Variants in NPR3 observed in about 807,000 individuals in gnomAD.
NPR3 encodes atrial natriuretic peptide receptor 3.
NPR3 carries 34 observed loss-of-function variants against 54.5 expected under a neutral mutation model. The ratio of observed to expected loss-of-function variants is 0.62; its 90% CI spans 0.47 to 0.83. The LOEUF (loss-of-function observed/expected upper bound fraction) is 0.83, where lower values mean the gene tolerates loss of function less well. Ranked by LOEUF, NPR3 falls within the 40% of genes least tolerant of loss-of-function variation. NPR3 has a pLI of 0.00. For missense variants in NPR3, 674 were observed against 720.8 expected, an observed-to-expected ratio of 0.94 and a Z score of 0.74; for synonymous variants, 289 against 297.1, an observed-to-expected ratio of 0.97 and a Z score of 0.28.
rs369477395 is a variant in NPR3 at position 32,783,017 on chromosome 5, C to T, written c.1415C>T (p.Pro472Leu). 1.2e-5 allele frequency: 20 copies of T among 1,600,538 alleles called. No homozygotes were observed. The highest frequency in any genetic ancestry group is 1.6e-5 in the Non-Finnish European group (19 of 1,172,720). The change falls in exon 6 of 8, where the codon CCC becomes CTC. Residue 472 changes from proline (P) to leucine (L), a missense_variant. By Grantham distance (98) the Pro-to-Leu change is moderately conservative. Transcript: ENST00000265074. ...ATTGTAGAGCATACAAACAGCTCTCCCTGCAAATCATGTAAGTCTGGAGAC... is the reference window on the plus strand; with the variant it reads ...ATTGTAGAGCATACAAACAGCTCTCTCTGCAAATCATGTAAGTCTGGAGAC... Reference protein sequence around the residue: ...NRIVEHTNSSPCKSSGGLEES... With the variant: ...NRIVEHTNSSLCKSSGGLEES...
intron 2 of NPR3, 80 bp from the exon 3 acceptor site, chr5:32,738,784 G>A (rs1218123112): frequency 1.6e-6 from 2 of 1,243,722 alleles, no homozygotes; most frequent in African/African-American, 1.5e-5. Context: ...ACATGCGGGG[G>A]CGCCTCACAG....
At chr5:32,738,594 A>G (rs185456647) in intron 2 of NPR3, among the ~76,000 whole-genome samples, 2 of 152,326 alleles carry the variant, frequency 1.3e-5, no homozygotes, top group Admixed American at 1.3e-4. Context: ...GGCAGGGCTG[A>G]AAATTGCAGT....
chr5:32,714,918 C>A (rs1311922072), intron 1 of NPR3, among the ~76,000 whole-genome samples: 6 of 152,130 alleles, frequency 3.9e-5, no homozygotes. Flanking sequence ...ACCTCGAGCT[C>A]CTTAGGTAAA....
chr5:32,764,788 CAAAAAAAAAAAAAA>C (rs568944478), intron 3 of NPR3, among the ~76,000 whole-genome samples: 2 of 36,492 alleles, frequency 5.5e-5, no homozygotes, highest in African/African-American at 9.7e-5. Context: ...GGGTCCATCT[CAAAAAAAAAAAAAA>C]AAAAAAAAAA....
intron 5 of NPR3, among the ~76,000 whole-genome samples, chr5:32,781,126 G>A (rs1204582403): frequency 6.6e-6 from 1 of 152,072 alleles, no homozygotes; most frequent in Admixed American, 6.5e-5. Context: ...TTTCTGAGGG[G>A]GAGTGGGAGG....
At chr5:32,723,491 T>G (rs896128119) in intron 1 of NPR3, among the ~76,000 whole-genome samples, 2 of 152,204 alleles carry the variant, frequency 1.3e-5, no homozygotes, top group Non-Finnish European at 2.9e-5. Context: ...AAAATAATGT[T>G]TTAAAATTCA....
chr5:32,705,396 A>G (rs1176506941), upstream of NPR3, among the ~76,000 whole-genome samples: 1 of 152,248 alleles, frequency 6.6e-6, no homozygotes. Flanking sequence ...GGTAATTTAT[A>G]AAGAAAAGAG....
At chr5:32,758,013 T>C (rs1224901702) in intron 3 of NPR3, among the ~76,000 whole-genome samples, 1 of 152,164 alleles carries the variant, frequency 6.6e-6, no homozygotes, top group Admixed American at 6.5e-5. Context: ...CAGTATTTTA[T>C]TGAGGACTTT....
intron 2 of NPR3, among the ~76,000 whole-genome samples, chr5:32,735,535 C>T (rs1011179227): frequency 2.6e-5 from 4 of 151,212 alleles, no homozygotes; most frequent in Admixed American, 6.6e-5. Flanking sequence ...TCCCAAGAAC[C>T]ATTTTTAGCT....
intron 2 of NPR3, among the ~76,000 whole-genome samples, chr5:32,732,707 G>A (rs761882698): frequency 1.8e-4 from 28 of 152,076 alleles, no homozygotes; most frequent in Non-Finnish European, 4.1e-4. Flanking sequence ...GAAACTTTGT[G>A]CCCTAATAAT....
chr5:32,749,422 C>G (rs879472331), intron 3 of NPR3, among the ~76,000 whole-genome samples: 1 of 152,060 alleles, frequency 6.6e-6, no homozygotes, highest in Non-Finnish European at 1.5e-5. Context: ...TTTTCCTAAA[C>G]TTTTGGTAAT....
intron 3 of NPR3, among the ~76,000 whole-genome samples, chr5:32,761,914 G>A (rs1054050401): frequency 6.6e-6 from 1 of 151,920 alleles, no homozygotes; most frequent in African/African-American, 2.4e-5. Context: ...TCTACATTAG[G>A]TATTTCTCCT....
At chr5:32,758,148 T>G (rs1468932325) in intron 3 of NPR3, among the ~76,000 whole-genome samples, 1 of 152,222 alleles carries the variant, frequency 6.6e-6, no homozygotes, top group African/African-American at 2.4e-5. Flanking sequence ...CCTCTTTTTC[T>G]ATTGATTGGA....
intron 2 of NPR3, among the ~76,000 whole-genome samples, chr5:32,737,246 T>A (rs1739798821): frequency 6.6e-6 from 1 of 152,182 alleles, no homozygotes; most frequent in African/African-American, 2.4e-5. Flanking sequence ...GTACCCCCCA[T>A]AGTAAGCTGT....
rs568944478 is a variant in NPR3, at chr5:32,764,788, C to CAAA, written c.1060-9894_1060-9892dup. Among the ~76,000 whole-genome samples, 16 of 36,484 alleles carry CAAA rather than the reference C, an allele frequency of 4.4e-4. 2 individuals are homozygous for CAAA. The highest frequency in any genetic ancestry group is 2.0e-3 in the East Asian group (2 of 1,010). 23.9% of individuals were successfully genotyped at this position (36,484 alleles called of 152,430 possible). ...GGGTGACAAGAGTGAGGGTCCATCT[C>CAAA]AAAAAAAAAAAAAAAAAAAAAAAAA... On this transcript the variant is annotated intron_variant, in intron 3 of 7. Coordinates refer to ENST00000265074, the MANE Select transcript of NPR3 (RefSeq NM_001204375.2).
intron 1 of NPR3, among the ~76,000 whole-genome samples, chr5:32,704,037 T>C (rs1164933829): frequency 1.3e-5 from 2 of 152,242 alleles, no homozygotes; most frequent in Non-Finnish European, 2.9e-5. Flanking sequence ...TTCCAACCAC[T>C]AGGATGGATG....
chr5:32,748,218 T>C (rs142751983), intron 3 of NPR3, among the ~76,000 whole-genome samples: 2,447 of 152,330 alleles, frequency 0.016, 39 homozygotes, highest in Non-Finnish European at 0.026. Flanking sequence ...ATTCTGATTA[T>C]TTATATTTTT....
chr5:32,730,047 A>G (rs1739374239), intron 2 of NPR3, among the ~76,000 whole-genome samples: 1 of 152,120 alleles, frequency 6.6e-6, no homozygotes, highest in Admixed American at 6.5e-5. Context: ...CTCCTCCACT[A>G]TGTGATAGTT....
chr5:32,710,551 C>T, upstream of NPR3: 1 of 1,275,648 alleles, frequency 7.8e-7, no homozygotes, highest in Non-Finnish European at 1.0e-6. Flanking sequence ...GACCTCGGCA[C>T]CGCTGCGATT....
Sources: gnomAD v4.1 joint callset for allele counts (sites outside exome capture counted in the v4.1 genomes callset) on GRCh38, gnomAD v4.1.1 for gene constraint, MANE v1.5 for transcripts, NCBI Gene and HGNC (gene_info 2026-07-23, HGNC 2026-07-21) for gene names.